Variants in CNTNAP4 observed in about 807,000 individuals in gnomAD.
CNTNAP4 encodes contactin associated protein family member 4.
In CNTNAP4, 98 loss-of-function variants were observed where a neutral mutation model predicts 148.4. That is an observed-to-expected ratio of 0.66 (90% CI 0.56 to 0.78). CNTNAP4 has a LOEUF of 0.78. CNTNAP4 is among the 30% of genes least tolerant of loss of function. The pLI is 0.00. For missense variants in CNTNAP4, 1,935 were observed against 1,565.6 expected, an observed-to-expected ratio of 1.24 and a Z score of -3.98; for synonymous variants, 730 against 565.1, an observed-to-expected ratio of 1.29 and a Z score of -4.14.
At chr16:76,457,995 T>A (rs1270829451) in intron 8 of CNTNAP4, among the ~76,000 whole-genome samples, 1 of 152,174 alleles carries the variant, frequency 6.6e-6, no homozygotes, top group African/African-American at 2.4e-5. Context: ...CCCATCTGTA[T>A]GACCATGTGT....
intron 1 of CNTNAP4, among the ~76,000 whole-genome samples, chr16:76,283,870 T>C (rs1958783424): frequency 6.6e-6 from 1 of 152,058 alleles, no homozygotes; most frequent in African/African-American, 2.4e-5. Context: ...ATTTTCATTT[T>C]GTTTTCACTG....
intron 1 of CNTNAP4, among the ~76,000 whole-genome samples, chr16:76,308,764 T>C (rs1475072508): frequency 6.6e-6 from 1 of 152,186 alleles, no homozygotes; most frequent in African/African-American, 2.4e-5. Context: ...TCACTGAAGA[T>C]GCACACTACA....
rs567673860 is a variant in CNTNAP4, at chr16:76,420,163, G to A, written c.391-7289G>A. Among the ~76,000 whole-genome samples, 6 of 71,858 alleles carry A rather than the reference G, an allele frequency of 8.3e-5. No homozygotes were observed. In the East Asian group the frequency reaches 2.3e-3, roughly 28 times the overall value. 47.1% of individuals were successfully genotyped at this position (71,858 alleles called of 152,430 possible). A position where few individuals can be genotyped will look rare whatever the true frequency, so the allele number is the denominator to read the frequency against. On this transcript the variant is annotated intron_variant, in intron 3 of 23. Transcript: ENST00000611870. ...TCTGAGATGGGTACTGTGTGTGTGTGTATAAATATTCTAATATATTCTAAC... is the reference window on the plus strand; with the variant it reads ...TCTGAGATGGGTACTGTGTGTGTGTATATAAATATTCTAATATATTCTAAC...
intron 1 of CNTNAP4, among the ~76,000 whole-genome samples, chr16:76,282,505 G>GA (rs1307820073): frequency 6.6e-6 from 1 of 151,774 alleles, no homozygotes; most frequent in African/African-American, 2.4e-5. Context: ...CTTACATTTG[G>GA]AATCAAAGAT....
chr16:76,279,120 A>C (rs181456544), intron 1 of CNTNAP4, among the ~76,000 whole-genome samples: 60 of 152,308 alleles, frequency 3.9e-4, no homozygotes, highest in Non-Finnish European at 6.9e-4. Flanking sequence ...AATAACAACA[A>C]CACCCACACA....
intron 3 of CNTNAP4, among the ~76,000 whole-genome samples, chr16:76,377,633 G>A (rs1194889323): frequency 6.6e-6 from 1 of 152,184 alleles, no homozygotes; most frequent in Non-Finnish European, 1.5e-5. Context: ...GAAATGACCT[G>A]TGGTTTGCCA....
intron 1 of CNTNAP4, among the ~76,000 whole-genome samples, chr16:76,302,251 A>G (rs1960050205): frequency 6.6e-6 from 1 of 152,212 alleles, no homozygotes; most frequent in Non-Finnish European, 1.5e-5. Flanking sequence ...TAGATCTGAC[A>G]AAATTAACCC....
rs376674930 is a variant in CNTNAP4 at position 76,532,209 on chromosome 16, C to G, written c.2756-3336C>G. On this transcript the variant is annotated intron_variant, in intron 17 of 23. Coordinates refer to ENST00000611870, the MANE Select transcript of CNTNAP4 (RefSeq NM_033401.5). ...TGTTCAATCCAAAGATGAGCTGATG[C>G]ATACAAGAAAACGGATAAGTCTTCT... Among the ~76,000 whole-genome samples the G allele has an allele frequency of 2.0e-5, 3 of 152,296 alleles. No homozygotes were observed. The South Asian group carries it at 6.2e-4, about 32-fold the overall frequency.
At chr16:76,527,228 A>C (rs149745585) in intron 17 of CNTNAP4, among the ~76,000 whole-genome samples, 1 of 151,986 alleles carries the variant, frequency 6.6e-6, no homozygotes, top group African/African-American at 2.4e-5. Context: ...TTGTTTATAG[A>C]TTTTGTTCCA....
At chr16:76,503,277 A>G (rs948483805) in intron 15 of CNTNAP4, among the ~76,000 whole-genome samples, 3 of 152,148 alleles carry the variant, frequency 2.0e-5, no homozygotes, top group Non-Finnish European at 2.9e-5. Context: ...TAAGTCAAGG[A>G]GAGGAATTCA....
At chr16:76,514,167 G>A (rs1876954631) in intron 15 of CNTNAP4, among the ~76,000 whole-genome samples, 1 of 152,142 alleles carries the variant, frequency 6.6e-6, no homozygotes, top group Non-Finnish European at 1.5e-5. Context: ...CTCGTCTGAT[G>A]CCCAACTCCA....
chr16:76,403,665 C>A (rs1054721003), intron 3 of CNTNAP4, among the ~76,000 whole-genome samples: 1 of 152,136 alleles, frequency 6.6e-6, no homozygotes, highest in African/African-American at 2.4e-5. Context: ...AAGAACAGAA[C>A]CACCATTTGG....
At position 76,303,457 on chromosome 16, in the gene CNTNAP4, C is replaced by T. The variant is rs534725045; in HGVS notation, c.86-12956C>T. 2.6e-5 allele frequency among the ~76,000 whole-genome samples: 4 copies of T among 152,206 alleles called. No homozygotes were observed. The East Asian group carries it at 7.7e-4, about 29-fold the overall frequency. ...ATTGAATTGAGACTTACTCAATTTT[C>T]CCTCCAGGAATCAAAGTCAAAACCA... is the stretch of plus-strand genomic sequence containing the variant. On this transcript the variant is annotated intron_variant, in intron 1 of 23. Coordinates refer to ENST00000611870, the MANE Select transcript of CNTNAP4 (RefSeq NM_033401.5).
intron 17 of CNTNAP4, among the ~76,000 whole-genome samples, chr16:76,526,918 C>G (rs1416200268): frequency 6.6e-6 from 1 of 152,126 alleles, no homozygotes; most frequent in Admixed American, 6.5e-5. Context: ...AAGGGCTCCA[C>G]CCCCCTCAGC....
rs2085308688 is a variant in CNTNAP4 at position 76,558,881 on chromosome 16, C to A, written c.*198C>A. 4 of 439,466 alleles carry A rather than the reference C, an allele frequency of 9.1e-6. No individual in the cohort carries two copies. Among genetic ancestry groups the A allele is most frequent in the South Asian group, 5.3e-5 (1 of 18,932 alleles). 27.2% of individuals were successfully genotyped at this position (439,466 alleles called of 1,614,324 possible). A position where few individuals can be genotyped will look rare whatever the true frequency, so the allele number is the denominator to read the frequency against. ...TTCTCATAGCATTCATTCTATGGAACAAGAAATTAGATATTGCTGTTAATT... is the reference window on the plus strand; with the variant it reads ...TTCTCATAGCATTCATTCTATGGAAAAAGAAATTAGATATTGCTGTTAATT... On this transcript the variant is annotated 3_prime_UTR_variant, in exon 24 of 24. Transcript: ENST00000611870.
At chr16:76,383,538 A>G (rs2144715797) in intron 3 of CNTNAP4, among the ~76,000 whole-genome samples, 1 of 152,332 alleles carries the variant, frequency 6.6e-6, no homozygotes, top group Non-Finnish European at 1.5e-5. Flanking sequence ...TAGAGATTTA[A>G]GAGAAACAGC....
intron 23 of CNTNAP4, among the ~76,000 whole-genome samples, chr16:76,555,688 T>C (rs1453239440): frequency 6.6e-6 from 1 of 152,166 alleles, no homozygotes; most frequent in African/African-American, 2.4e-5. Flanking sequence ...ATTTACAGAG[T>C]TAAACAAGAA....
At chr16:76,419,444 G>T (rs1178866549) in intron 3 of CNTNAP4, among the ~76,000 whole-genome samples, 1 of 152,050 alleles carries the variant, frequency 6.6e-6, no homozygotes, top group African/African-American at 2.4e-5. Flanking sequence ...ATGCATGGAT[G>T]GGTTCTTGGA....
intron 3 of CNTNAP4, among the ~76,000 whole-genome samples, chr16:76,399,890 T>A (rs879758575): frequency 1.3e-5 from 2 of 152,206 alleles, no homozygotes; most frequent in Admixed American, 1.3e-4. Flanking sequence ...TCATTTTAAT[T>A]GCTTCATAAT....
Sources: allele counts gnomAD v4.1 joint callset (sites outside exome capture counted in the v4.1 genomes callset), GRCh38; gene constraint gnomAD v4.1.1; transcripts MANE v1.5; gene names NCBI Gene and HGNC (gene_info 2026-07-23, HGNC 2026-07-21).